Variants in SNRPA observed in about 807,000 individuals in gnomAD.
The protein encoded by SNRPA is small nuclear ribonucleoprotein polypeptide A, also known as U1 small nuclear ribonucleoprotein A.
SNRPA carries 10 observed loss-of-function variants against 24.5 expected under a neutral mutation model. That is an observed-to-expected ratio of 0.41 (90% CI 0.25 to 0.69). SNRPA has a LOEUF of 0.69. SNRPA is among the 30% of genes least tolerant of loss of function. The pLI is 0.33. For synonymous variants in SNRPA, 165 were observed against 148.4 expected, an observed-to-expected ratio of 1.11 and a Z score of -0.81; for missense variants, 283 against 394.7, an observed-to-expected ratio of 0.72 and a Z score of 2.40.
intron 1 of SNRPA, among the ~76,000 whole-genome samples, chr19:40,753,548 C>T (rs948794068): frequency 1.3e-5 from 2 of 150,206 alleles, no homozygotes; most frequent in African/African-American, 2.4e-5. Context: ...AGGCACCCGC[C>T]ACCACGCCTG....
chr19:40,764,200 C>T (rs2082945012), intron 5 of SNRPA, among the ~76,000 whole-genome samples: 1 of 152,036 alleles, frequency 6.6e-6, no homozygotes, highest in Non-Finnish European at 1.5e-5. Context: ...GGTTCTGTTT[C>T]AGGGGCTGTG....
chr19:40,753,915 C>T (rs2082896779), intron 1 of SNRPA, among the ~76,000 whole-genome samples: 1 of 151,914 alleles, frequency 6.6e-6, no homozygotes, highest in Admixed American at 6.6e-5. Flanking sequence ...CATTCTCCTG[C>T]CTCAGCCTCC....
chr19:40,751,281 C>A lies in SNRPA; in HGVS notation c.-128C>A. On this transcript the variant is annotated 5_prime_UTR_variant, in exon 1 of 6. Transcript: ENST00000243563. Reference sequence around the variant, plus strand: ...TTTGCCTCCGTCCTTGCCCCTACTCCCGCCTTACCTGACTTCCTTTTCGGA... The same window carrying A: ...TTTGCCTCCGTCCTTGCCCCTACTCACGCCTTACCTGACTTCCTTTTCGGA... 1 of 760,018 alleles carries A rather than the reference C, an allele frequency of 1.3e-6. No homozygotes were observed. The highest frequency in any genetic ancestry group is 2.4e-6 in the Non-Finnish European group (1 of 418,262). The allele number at this position is 760,018 out of a possible 1,614,324, so 47.1% of individuals were successfully genotyped here. A position where few individuals can be genotyped will look rare whatever the true frequency, so the allele number is the denominator to read the frequency against.
rs548829529 is a variant in SNRPA, at chr19:40,761,316, G to A, written c.427-1585G>A. On this transcript the variant is annotated intron_variant, in intron 3 of 5. Transcript: ENST00000243563. ...CTTTTTTTCCCCTAGTTCATGATGC[G>A]GGGCAGTTGGGTATCTGCAAGGGGA... Among the ~76,000 whole-genome samples, 279 of 152,006 alleles carry A rather than the reference G, an allele frequency of 1.8e-3. 1 individual carries two copies. Among genetic ancestry groups the A allele is most frequent in the South Asian group, 9.6e-3 (46 of 4,808 alleles).
At chr19:40,761,235 T>C (rs2145014025) in intron 3 of SNRPA, among the ~76,000 whole-genome samples, 1 of 152,016 alleles carries the variant, frequency 6.6e-6, no homozygotes, top group African/African-American at 2.4e-5. Flanking sequence ...ACAGCTACAC[T>C]TGTATAATTA....
At chr19:40,761,449 TTTCTTTTTC>T (rs2082931453) in intron 3 of SNRPA, among the ~76,000 whole-genome samples, 1 of 133,696 alleles carries the variant, frequency 7.5e-6, no homozygotes, top group African/African-American at 2.7e-5. Context: ...TTCTTTTCTT[TTTCTTTTTC>T]TTTTTTTTTT....
chr19:40,759,751 T>C, intron 3 of SNRPA, 141 bp downstream of exon 3: 1 of 727,610 alleles, frequency 1.4e-6, no homozygotes. Flanking sequence ...GATGTGTTTC[T>C]CTCTCTCTTT....
At chr19:40,755,281 T>TTTTTTTTTTTTTTTTTTC (rs1491110055) in intron 1 of SNRPA, among the ~76,000 whole-genome samples, 1 of 130,904 alleles carries the variant, frequency 7.6e-6, no homozygotes, top group Non-Finnish European at 1.6e-5. Context: ...TTTTTTTTTT[T>TTTTTTTTTTTTTTTTTTC]GGCATTTTTA....
chr19:40,753,884 CCTT>C (rs2082896620), intron 1 of SNRPA, among the ~76,000 whole-genome samples: 1 of 151,836 alleles, frequency 6.6e-6, no homozygotes, highest in Non-Finnish European at 1.5e-5. Context: ...GCAAGCTCTG[CCTT>C]GCCTCCTGGG....
intron 1 of SNRPA, among the ~76,000 whole-genome samples, chr19:40,753,119 C>A (rs2082890593): frequency 6.6e-6 from 1 of 152,102 alleles, no homozygotes; most frequent in East Asian, 1.9e-4. Flanking sequence ...CTTTGGGAGG[C>A]TGAGGTGGGC....
intron 3 of SNRPA, among the ~76,000 whole-genome samples, chr19:40,761,336 AGG>A (rs2082930712): frequency 1.3e-5 from 2 of 152,114 alleles, no homozygotes; most frequent in South Asian, 4.2e-4. Flanking sequence ...GGTATCTGCA[AGG>A]GGAAAAAATT....
chr19:40,755,121 G>GT (rs2082902931), intron 1 of SNRPA, among the ~76,000 whole-genome samples: 1 of 151,698 alleles, frequency 6.6e-6, no homozygotes, highest in Non-Finnish European at 1.5e-5. Context: ...TTGTCACCCA[G>GT]GCTGGAGTGC....
chr19:40,754,194 C>G (rs1000077433), intron 1 of SNRPA, among the ~76,000 whole-genome samples: 10 of 151,844 alleles, frequency 6.6e-5, no homozygotes, highest in Middle Eastern at 3.4e-3. Context: ...ACCTCCGCCT[C>G]CCGAATTCAA....
At chr19:40,754,643 G>A (rs553649145) in intron 1 of SNRPA, among the ~76,000 whole-genome samples, 1 of 152,194 alleles carries the variant, frequency 6.6e-6, no homozygotes, top group Non-Finnish European at 1.5e-5. Flanking sequence ...GGTCAAAAGA[G>A]CCTGGCGTAT....
At chr19:40,759,402 C>T (rs779867861) in intron 2 of SNRPA, 29 bp from the exon 3 acceptor site, 15 of 1,591,950 alleles carry the variant, frequency 9.4e-6, no homozygotes, top group Non-Finnish European at 1.3e-5. Context: ...AATCCACGCT[C>T]TTAACCCGTT....
chr19:40,751,516 C>G, intron 1 of SNRPA, 35 bp downstream of exon 1: 1 of 1,477,026 alleles, frequency 6.8e-7, no homozygotes, highest in Non-Finnish European at 9.5e-7. Context: ...TCCAGACTGT[C>G]CCGCACGGGC....
intron 2 of SNRPA, 41 bp from the exon 3 acceptor site, chr19:40,759,390 T>A (rs756566069): frequency 1.3e-6 from 2 of 1,545,532 alleles, no homozygotes; most frequent in Non-Finnish European, 1.8e-6. Context: ...AATTGGGCTC[T>A]GAATCCACGC....
At chr19:40,752,443 C>T (rs2082883505) in intron 1 of SNRPA, among the ~76,000 whole-genome samples, 1 of 150,822 alleles carries the variant, frequency 6.6e-6, no homozygotes, top group Non-Finnish European at 1.5e-5. Flanking sequence ...TAGAATTCTG[C>T]TTAGGAACCC....
chr19:40,762,760 G>A (rs2082938017), intron 3 of SNRPA, 141 bp from the exon 4 acceptor site: 4 of 747,876 alleles, frequency 5.3e-6, no homozygotes, highest in Non-Finnish European at 8.7e-6. Flanking sequence ...GTTTTGCTCT[G>A]TCGGGCCCTC....
Sources: gnomAD v4.1 joint callset for allele counts (sites outside exome capture counted in the v4.1 genomes callset) on GRCh38, gnomAD v4.1.1 for gene constraint, MANE v1.5 for transcripts, NCBI Gene and HGNC (gene_info 2026-07-23, HGNC 2026-07-21) for gene names.